GALNT17: variants seen among roughly 807,000 people sequenced by gnomAD.
The protein encoded by GALNT17 is polypeptide N-acetylgalactosaminyltransferase 17, also known as UDP-GalNAc:polypeptide N-acetylgalactosaminyltransferase-like 3.
A neutral mutation model predicts 63.7 loss-of-function variants in GALNT17; 29 were observed. That is an observed-to-expected ratio of 0.46 (90% confidence interval 0.34 to 0.62). GALNT17 has a LOEUF of 0.62. GALNT17 is among the 20% of genes least tolerant of loss of function. GALNT17 has a pLI of 0.01. For missense variants in GALNT17, 603 were observed against 799.6 expected, an observed-to-expected ratio of 0.75 and a Z score of 2.97; for synonymous variants, 305 against 318.3, an observed-to-expected ratio of 0.96 and a Z score of 0.45.
intron 1 of GALNT17, among the ~76,000 whole-genome samples, chr7:71,184,571 T>G (rs958869015): frequency 6.6e-6 from 1 of 152,172 alleles, no homozygotes; most frequent in Non-Finnish European, 1.5e-5. Context: ...AGTTAGAAAC[T>G]GCCCCGCTGA....
At chr7:71,256,850 A>G (rs550494687) in intron 1 of GALNT17, among the ~76,000 whole-genome samples, 2 of 152,308 alleles carry the variant, frequency 1.3e-5, no homozygotes, top group South Asian at 4.1e-4. Flanking sequence ...GAGGTAGGAG[A>G]TGACACTATC....
intron 1 of GALNT17, among the ~76,000 whole-genome samples, chr7:71,281,025 T>C (rs1275656000): frequency 1.3e-5 from 2 of 152,090 alleles, no homozygotes; most frequent in African/African-American, 4.8e-5. Flanking sequence ...GGAGACTAGA[T>C]AGTTTCAGCA....
chr7:71,435,156 T>C (rs934648314), intron 5 of GALNT17, among the ~76,000 whole-genome samples: 1 of 152,134 alleles, frequency 6.6e-6, no homozygotes, highest in African/African-American at 2.4e-5. Context: ...CAAGACCCCA[T>C]CTCTACAGAA....
chr7:71,209,285 G>A (rs986779), intron 1 of GALNT17, among the ~76,000 whole-genome samples: 84,266 of 151,968 alleles, frequency 0.55, 23,929 homozygotes, highest in South Asian at 0.69. Context: ...TCAGGTCACA[G>A]TTTAGGGTTG....
At chr7:71,207,550 T>C (rs1227522374) in intron 1 of GALNT17, among the ~76,000 whole-genome samples, 1 of 152,150 alleles carries the variant, frequency 6.6e-6, no homozygotes. Context: ...GTAAGGATGA[T>C]AGATGCTGGC....
In GALNT17 at chr7:71,132,781, C is replaced by T. The variant is rs201407911; in HGVS notation, c.-22C>T. On this transcript the variant is annotated 5_prime_UTR_variant, in exon 1 of 11. Transcript: ENST00000333538. Reference sequence around the variant, plus strand: ...AGCCCGAGGGGGCGCAGGTCCGGGGCGAGGGCCGGCCGGGCTGTTTGATGG... The same window carrying T: ...AGCCCGAGGGGGCGCAGGTCCGGGGTGAGGGCCGGCCGGGCTGTTTGATGG... 1.1e-3 allele frequency: 1,745 copies of T among 1,569,982 alleles called. 20 individuals carry two copies. In the African/African-American group the frequency reaches 0.022, roughly 20 times the overall value.
chr7:71,551,758 A>AC (rs1789080044), intron 5 of GALNT17, among the ~76,000 whole-genome samples: 2 of 99,394 alleles, frequency 2.0e-5, no homozygotes, highest in South Asian at 6.1e-4. Flanking sequence ...ACCCTGTCTC[A>AC]AAAAAAAAAA....
At chr7:71,257,372 A>G (rs1377871918) in intron 1 of GALNT17, among the ~76,000 whole-genome samples, 1 of 152,224 alleles carries the variant, frequency 6.6e-6, no homozygotes, top group African/African-American at 2.4e-5. Context: ...CCTTAGAAAT[A>G]AATTCTCCAA....
intron 1 of GALNT17, among the ~76,000 whole-genome samples, chr7:71,228,212 A>C (rs1476098029): frequency 6.6e-6 from 1 of 152,156 alleles, no homozygotes; most frequent in Non-Finnish European, 1.5e-5. Flanking sequence ...GTCCCAGCCA[A>C]GCAGGAGTAC....
intron 3 of GALNT17, among the ~76,000 whole-genome samples, chr7:71,406,193 A>G (rs1334508891): frequency 1.3e-5 from 2 of 152,178 alleles, no homozygotes; most frequent in Non-Finnish European, 2.9e-5. Flanking sequence ...TTCATTATAG[A>G]CACAGACAAG....
At chr7:71,562,245 T>C (rs1171482077) in intron 5 of GALNT17, among the ~76,000 whole-genome samples, 1 of 152,182 alleles carries the variant, frequency 6.6e-6, no homozygotes, top group Non-Finnish European at 1.5e-5. Context: ...ATTACAGGTG[T>C]GCACCACTGC....
chr7:71,580,710 G>A (rs1466256638), intron 6 of GALNT17, among the ~76,000 whole-genome samples: 3 of 152,148 alleles, frequency 2.0e-5, no homozygotes, highest in African/African-American at 7.2e-5. Context: ...ATGAAGAGAA[G>A]TGGGAGTCCA....
At chr7:71,142,928 G>A (rs1437390379) in intron 1 of GALNT17, among the ~76,000 whole-genome samples, 2 of 138,560 alleles carry the variant, frequency 1.4e-5, no homozygotes, top group Non-Finnish European at 3.1e-5. Flanking sequence ...GCGACAGGGC[G>A]AGACTCTTGT....
At chr7:71,208,100 C>T (rs1789308043) in intron 1 of GALNT17, among the ~76,000 whole-genome samples, 1 of 151,910 alleles carries the variant, frequency 6.6e-6, no homozygotes, top group Non-Finnish European at 1.5e-5. Flanking sequence ...CCATGACTGG[C>T]TGATTTTTGT....
At chr7:71,337,901 C>G (rs71549400) in intron 2 of GALNT17, among the ~76,000 whole-genome samples, 3 of 151,788 alleles carry the variant, frequency 2.0e-5, no homozygotes, top group South Asian at 4.2e-4. Flanking sequence ...ACAACAACAA[C>G]AAAAAAACTT....
intron 1 of GALNT17, among the ~76,000 whole-genome samples, chr7:71,243,656 T>A (rs966715200): frequency 1.3e-5 from 2 of 152,150 alleles, no homozygotes; most frequent in African/African-American, 4.8e-5. Context: ...CCCCCCATCT[T>A]GGCCTCCAGA....
intron 5 of GALNT17, among the ~76,000 whole-genome samples, chr7:71,568,190 G>A (rs977459031): frequency 7.9e-5 from 12 of 152,178 alleles, no homozygotes; most frequent in African/African-American, 2.9e-4. Flanking sequence ...AAAGCGTGCA[G>A]TAAAGCAAAA....
intron 1 of GALNT17, among the ~76,000 whole-genome samples, chr7:71,229,466 C>T (rs1789746931): frequency 6.6e-6 from 1 of 152,186 alleles, no homozygotes; most frequent in African/African-American, 2.4e-5. Context: ...TCCATTTGGA[C>T]AGCTGCCAGC....
At chr7:71,376,914 C>T (rs944027146) in intron 2 of GALNT17, among the ~76,000 whole-genome samples, 8 of 150,356 alleles carry the variant, frequency 5.3e-5, no homozygotes, top group South Asian at 2.1e-4. Flanking sequence ...GGTGAAACCC[C>T]GTCTCTACTA....
Sources: gnomAD v4.1 joint callset for allele counts (sites outside exome capture counted in the v4.1 genomes callset) on GRCh38, gnomAD v4.1.1 for gene constraint, MANE v1.5 for transcripts, NCBI Gene and HGNC (gene_info 2026-07-23, HGNC 2026-07-21) for gene names.